The following UGGT2 variants were observed in gnomAD, a reference collection of about 807,000 sequenced individuals.
UGGT2 encodes the protein UDP-glucose glycoprotein glucosyltransferase 2, also known as UDP-glucose:glycoprotein glucosyltransferase 2.
UGGT2 carries 180 observed loss-of-function variants against 192.1 expected under a neutral mutation model. The ratio of observed to expected loss-of-function variants is 0.94; its 90% CI spans 0.83 to 1.06. The LOEUF (loss-of-function observed/expected upper bound fraction) is 1.06. Ranked by LOEUF, UGGT2 falls within the 50% of genes least tolerant of loss-of-function variation. The pLI, the probability that UGGT2 is intolerant of heterozygous loss-of-function variation, is 0.00. For synonymous variants in UGGT2, 580 were observed against 591.0 expected (o/e 0.98, Z 0.27); for missense variants, 1,849 against 1,795.7 (o/e 1.03, Z -0.54).
chr13:96,032,198 G>C (rs2052858054), intron 1 of UGGT2, among the ~76,000 whole-genome samples: 1 of 151,924 alleles, frequency 6.6e-6, no homozygotes, highest in Admixed American at 6.6e-5. Context: ...GTCAGGAAAA[G>C]GCTTCATGAG....
At chr13:96,031,789 G>T in intron 2 of UGGT2, 100 bp downstream of exon 2, 2 of 800,060 alleles carry the variant, frequency 2.5e-6, no homozygotes, top group Non-Finnish European at 3.8e-6. Context: ...CTAACCCAGT[G>T]AAGCATTCAC....
intron 38 of UGGT2, among the ~76,000 whole-genome samples, chr13:95,812,849 C>G (rs1227427476): frequency 6.6e-6 from 1 of 152,096 alleles, no homozygotes; most frequent in South Asian, 2.1e-4. Context: ...TGAGGCCTCC[C>G]CCATTTATGA....
chr13:95,809,171 T>C, intron 38 of UGGT2: 1 of 456,030 alleles, frequency 2.2e-6, no homozygotes, highest in Non-Finnish European at 4.3e-6. Flanking sequence ...TGGGATGAGG[T>C]GGGATTCCTT....
At chr13:95,960,419 T>C (rs143264665) in intron 12 of UGGT2, among the ~76,000 whole-genome samples, 86 of 152,276 alleles carry the variant, frequency 5.6e-4, no homozygotes, top group Non-Finnish European at 1.1e-3. Flanking sequence ...GTAAAATGTA[T>C]TGAAAAGCTT....
intron 36 of UGGT2, among the ~76,000 whole-genome samples, chr13:95,838,602 A>G (rs574755129): frequency 2.6e-4 from 40 of 152,282 alleles, no homozygotes; most frequent in Middle Eastern, 6.8e-3. Context: ...AGACAAATAC[A>G]TCAATGGAAC....
At chr13:95,998,916 T>C (rs992958311) in intron 6 of UGGT2, among the ~76,000 whole-genome samples, 2 of 152,202 alleles carry the variant, frequency 1.3e-5, no homozygotes, top group Non-Finnish European at 2.9e-5. Context: ...TGCCACAGTG[T>C]ACCTTACATA....
At chr13:95,950,386 G>T (rs1033710452) in intron 12 of UGGT2, among the ~76,000 whole-genome samples, 10 of 151,850 alleles carry the variant, frequency 6.6e-5, no homozygotes, top group Non-Finnish European at 1.3e-4. Context: ...ACCCAGTAAG[G>T]CCAGATCCTA....
intron 25 of UGGT2, among the ~76,000 whole-genome samples, 180 bp downstream of exon 25, chr13:95,890,682 G>C (rs928813849): frequency 1.3e-5 from 2 of 152,026 alleles, no homozygotes; most frequent in African/African-American, 4.8e-5. Flanking sequence ...CCTAACCTCA[G>C]CACAGTCATA....
intron 1 of UGGT2, among the ~76,000 whole-genome samples, chr13:96,033,858 G>A (rs1006777248): frequency 7.2e-5 from 11 of 152,164 alleles, no homozygotes; most frequent in South Asian, 2.1e-4. Context: ...GCCCCATGAC[G>A]CGAACTGCCT....
At chr13:95,839,949 C>T (rs759301521) in intron 36 of UGGT2, among the ~76,000 whole-genome samples, 7 of 152,062 alleles carry the variant, frequency 4.6e-5, no homozygotes, top group Non-Finnish European at 1.0e-4. Flanking sequence ...ATATCAATGG[C>T]TAGTAAACAC....
chr13:95,954,696 C>T (rs1392951253), intron 12 of UGGT2, among the ~76,000 whole-genome samples: 1 of 152,136 alleles, frequency 6.6e-6, no homozygotes, highest in Non-Finnish European at 1.5e-5. Flanking sequence ...TCCAGATGTA[C>T]CAAACCAATG....
chr13:95,894,524 A>C, intron 24 of UGGT2, 38 bp downstream of exon 24: 1 of 1,545,160 alleles, frequency 6.5e-7, no homozygotes, highest in Non-Finnish European at 8.9e-7. Context: ...TGCATGCATT[A>C]ACAGAAAAAT....
chr13:95,953,893 G>T (rs928249864), intron 12 of UGGT2, among the ~76,000 whole-genome samples: 4 of 152,156 alleles, frequency 2.6e-5, no homozygotes, highest in Non-Finnish European at 5.9e-5. Context: ...TCATCTAAAA[G>T]AAAATAGTTA....
At chr13:95,893,748 G>GT (rs2047869784) in intron 24 of UGGT2, among the ~76,000 whole-genome samples, 3 of 133,160 alleles carry the variant, frequency 2.3e-5, no homozygotes, top group Admixed American at 2.2e-4. Context: ...GGAATCTTCA[G>GT]TAGTATTTTT....
chr13:95,835,097 A>G (rs553165009), intron 37 of UGGT2, among the ~76,000 whole-genome samples: 57 of 152,336 alleles, frequency 3.7e-4, no homozygotes, highest in African/African-American at 1.3e-3. Context: ...TTTTCATTGT[A>G]TTGAGTATTC....
At chr13:96,003,938 G>A (rs2051888507) in intron 5 of UGGT2, among the ~76,000 whole-genome samples, 1 of 152,142 alleles carries the variant, frequency 6.6e-6, no homozygotes, top group African/African-American at 2.4e-5. Flanking sequence ...ATGGAGGAAA[G>A]AAAGAAGGAA....
chr13:95,841,407 G>C (rs1013022984), intron 36 of UGGT2, among the ~76,000 whole-genome samples: 1 of 152,072 alleles, frequency 6.6e-6, no homozygotes, highest in Non-Finnish European at 1.5e-5. Context: ...TCCTCTATTG[G>C]GGATGGTCAT....
At chr13:96,009,836 G>A (rs2052100456) in intron 5 of UGGT2, among the ~76,000 whole-genome samples, 1 of 57,240 alleles carries the variant, frequency 1.7e-5, no homozygotes, top group South Asian at 5.2e-4. Context: ...GTGAGCAAAG[G>A]ACATGAACAC....
intron 37 of UGGT2, among the ~76,000 whole-genome samples, chr13:95,834,693 C>A (rs1887098171): frequency 6.6e-6 from 1 of 152,128 alleles, no homozygotes; most frequent in Admixed American, 6.6e-5. Context: ...ATTTGTGCCA[C>A]TTCTCCTTTT....
Sources: allele counts gnomAD v4.1 joint callset (sites outside exome capture counted in the v4.1 genomes callset), GRCh38; gene constraint gnomAD v4.1.1; transcripts MANE v1.5; gene names NCBI Gene and HGNC (gene_info 2026-07-23, HGNC 2026-07-21).